The following ADAM22 variants were observed in gnomAD, a reference collection of about 807,000 sequenced individuals.
ADAM22 encodes the protein disintegrin and metalloproteinase domain-containing protein 22.
ADAM22 carries 65 observed loss-of-function variants against 144.6 expected under a neutral mutation model. That is an observed-to-expected ratio of 0.45 (90% CI 0.37 to 0.55). ADAM22 has a LOEUF of 0.55. Ranked by LOEUF, ADAM22 falls within the 20% of genes least tolerant of loss-of-function variation. The pLI, the probability that ADAM22 is intolerant of heterozygous loss-of-function variation, is 0.00. For synonymous variants in ADAM22, 391 were observed against 412.6 expected, an observed-to-expected ratio of 0.95 and a Z score of 0.63; for missense variants, 974 against 1,184.9, an observed-to-expected ratio of 0.82 and a Z score of 2.61.
intron 14 of ADAM22, among the ~76,000 whole-genome samples, chr7:88,141,044 A>G (rs960808521): frequency 4.6e-5 from 7 of 152,170 alleles, no homozygotes; most frequent in Non-Finnish European, 1.0e-4. Context: ...ATGCCAGCAC[A>G]TAGGTTTCAA....
At chr7:88,183,290 A>G (rs1325405602) in intron 29 of ADAM22, among the ~76,000 whole-genome samples, 1 of 152,208 alleles carries the variant, frequency 6.6e-6, no homozygotes, top group Non-Finnish European at 1.5e-5. Flanking sequence ...GCATGAGGTC[A>G]CCTAGTAAGA....
chr7:88,007,060 T>G (rs141970993), intron 3 of ADAM22, among the ~76,000 whole-genome samples: 7,366 of 152,212 alleles, frequency 0.048, 550 homozygotes, highest in African/African-American at 0.16. Context: ...AAAGTCTCAG[T>G]ATACAAAATC....
intron 30 of ADAM22, among the ~76,000 whole-genome samples, chr7:88,192,652 G>C (rs1007857072): frequency 2.0e-5 from 3 of 152,152 alleles, no homozygotes; most frequent in Non-Finnish European, 1.5e-5. Flanking sequence ...ACTGGTGTGT[G>C]ATTTAGCAAC....
At chr7:88,096,183 A>G (rs939701780) in intron 4 of ADAM22, among the ~76,000 whole-genome samples, 4 of 151,810 alleles carry the variant, frequency 2.6e-5, no homozygotes, top group African/African-American at 9.7e-5. Flanking sequence ...TCAGCGTCCC[A>G]AAGTGCTGGG....
intron 29 of ADAM22, among the ~76,000 whole-genome samples, chr7:88,182,336 A>G (rs993392875): frequency 6.6e-6 from 1 of 152,046 alleles, no homozygotes; most frequent in African/African-American, 2.4e-5. Flanking sequence ...TCTTCTCATC[A>G]TCTGGGATTC....
chr7:88,042,262 G>A (rs1451804999), intron 3 of ADAM22, among the ~76,000 whole-genome samples: 3 of 152,050 alleles, frequency 2.0e-5, no homozygotes, highest in African/African-American at 7.2e-5. Context: ...CCATTTTGCA[G>A]AGGGTTTGAA....
chr7:88,075,855 T>C (rs1229099508), intron 4 of ADAM22, among the ~76,000 whole-genome samples, 163 bp downstream of exon 4: 3 of 152,214 alleles, frequency 2.0e-5, no homozygotes, highest in Admixed American at 1.3e-4. Context: ...AATGAAACTT[T>C]ACTTTTAGTT....
chr7:88,008,227 A>G (rs568090005), intron 3 of ADAM22, among the ~76,000 whole-genome samples: 9 of 151,202 alleles, frequency 6.0e-5, no homozygotes, highest in African/African-American at 1.7e-4. Context: ...TTAGAATGGC[A>G]ATCATTAAAA....
chr7:88,196,672 T>A lies in ADAM22; in HGVS notation c.*181T>A. The A allele has an allele frequency of 1.6e-6, 1 of 641,568 alleles. No individual in the cohort carries two copies. The highest frequency in any genetic ancestry group is 2.7e-6 in the Non-Finnish European group (1 of 367,156). 39.7% of individuals were successfully genotyped at this position (641,568 alleles called of 1,614,324 possible). Reference sequence around the variant, plus strand: ...TTACCATTTTCTTTTTGTCATTGGCTTAGGATTTAACTAACCATGAAAAGA... The same window carrying A: ...TTACCATTTTCTTTTTGTCATTGGCATAGGATTTAACTAACCATGAAAAGA... On this transcript the variant is annotated 3_prime_UTR_variant, in exon 32 of 32. Transcript: ENST00000413139.
At chr7:88,109,486 A>G (rs1260328640) in intron 5 of ADAM22, among the ~76,000 whole-genome samples, 1 of 152,100 alleles carries the variant, frequency 6.6e-6, no homozygotes, top group Non-Finnish European at 1.5e-5. Flanking sequence ...ACAATCCAGC[A>G]CTTTAATTTT....
At position 88,083,795 on chromosome 7, in the gene ADAM22, G is replaced by A. The variant is rs141717590; in HGVS notation, c.390+8103G>A. On this transcript the variant is annotated intron_variant, in intron 4 of 31. Transcript: ENST00000413139. Reference sequence around the variant, plus strand: ...TGCCTGTCTCTCCAGAAAGTTATTCGGAACTGAAGATTGGTGAATTGAATG... The same window carrying A: ...TGCCTGTCTCTCCAGAAAGTTATTCAGAACTGAAGATTGGTGAATTGAATG... 5.3e-3 allele frequency among the ~76,000 whole-genome samples: 801 copies of A among 151,950 alleles called. 9 individuals carry two copies. The highest frequency in any genetic ancestry group is 0.017 in the Middle Eastern group (5 of 292).
intron 4 of ADAM22, among the ~76,000 whole-genome samples, chr7:88,085,078 G>A (rs1304469319): frequency 1.3e-5 from 2 of 152,286 alleles, no homozygotes; most frequent in Non-Finnish European, 2.9e-5. Context: ...TCTACATACA[G>A]TTATATTCTG....
intron 3 of ADAM22, among the ~76,000 whole-genome samples, chr7:87,992,511 A>G (rs1038959812): frequency 2.6e-5 from 4 of 152,248 alleles, no homozygotes; most frequent in Non-Finnish European, 5.9e-5. Context: ...TTGATTAATC[A>G]TGAAAATAGA....
intron 3 of ADAM22, among the ~76,000 whole-genome samples, chr7:87,980,936 C>G (rs1853248100): frequency 6.6e-6 from 1 of 152,068 alleles, no homozygotes; most frequent in South Asian, 2.1e-4. Flanking sequence ...TGCATTGGAC[C>G]TTTCCAGAGG....
At chr7:87,962,543 C>T (rs183208440) in intron 2 of ADAM22, among the ~76,000 whole-genome samples, 313 of 152,186 alleles carry the variant, frequency 2.1e-3, no homozygotes, top group Non-Finnish European at 2.7e-3. Context: ...AAATTCTGTT[C>T]ACACTGCTTA....
Position 88,197,861 on chromosome 7 carries a change from C to T in ADAM22, c.*1370C>T, listed in dbSNP as rs894564393. The T allele has an allele frequency of 6.6e-6, 1 of 151,976 alleles. No individual in the cohort carries two copies. Among genetic ancestry groups the T allele is most frequent in the Non-Finnish European group, 1.5e-5 (1 of 67,988 alleles). 9.4% of individuals were successfully genotyped at this position (151,976 alleles called of 1,614,324 possible). On this transcript the variant is annotated 3_prime_UTR_variant, in exon 32 of 32. Transcript: ENST00000413139. ...CTAAACCACAGAGATGCAGCATCTGCGAAGTTACACTAACAGCTGGTGGGG... is the reference window on the plus strand; with the variant it reads ...CTAAACCACAGAGATGCAGCATCTGTGAAGTTACACTAACAGCTGGTGGGG...
intron 3 of ADAM22, among the ~76,000 whole-genome samples, chr7:87,990,137 A>T (rs1291700739): frequency 6.6e-6 from 1 of 152,086 alleles, no homozygotes; most frequent in East Asian, 1.9e-4. Context: ...TTTTGGGGTG[A>T]TAGATACAAA....
At chr7:88,163,867 T>C (rs1475020261) in intron 23 of ADAM22, among the ~76,000 whole-genome samples, 1 of 152,108 alleles carries the variant, frequency 6.6e-6, no homozygotes, top group Non-Finnish European at 1.5e-5. Flanking sequence ...AAAAAGAGTT[T>C]GTTCTATTTC....
intron 2 of ADAM22, among the ~76,000 whole-genome samples, chr7:87,939,970 G>T (rs1842138900): frequency 6.6e-6 from 1 of 152,034 alleles, no homozygotes; most frequent in African/African-American, 2.4e-5. Context: ...GAGGTAGGTG[G>T]ATCATTTGAG....
Sources: gnomAD v4.1 joint callset for allele counts (sites outside exome capture counted in the v4.1 genomes callset) on GRCh38, gnomAD v4.1.1 for gene constraint, MANE v1.5 for transcripts, NCBI Gene and HGNC (gene_info 2026-07-23, HGNC 2026-07-21) for gene names.